Variants in SSBP1 observed in about 807,000 individuals in gnomAD.
SSBP1 encodes single stranded DNA binding protein 1, also known as single-stranded DNA-binding protein, mitochondrial.
A neutral mutation model predicts 27.0 loss-of-function variants in SSBP1; 20 were observed. The observed-to-expected ratio is 0.74, with a 90% CI of 0.52 to 1.08. The LOEUF (loss-of-function observed/expected upper bound fraction) is 1.08, where lower values mean the gene tolerates loss of function less well. Among genes scored for constraint, SSBP1 ranks in the 50% least tolerant of loss-of-function variants. The pLI, the probability that SSBP1 is intolerant of heterozygous loss-of-function variation, is 0.00. For missense variants in SSBP1, 137 were observed against 182.4 expected (o/e 0.75, Z 1.44); for synonymous variants, 59 against 59.3 (o/e 1.00, Z 0.02).
intron 6 of SSBP1, among the ~76,000 whole-genome samples, chr7:141,748,962 T>C (rs1799877999): frequency 1.3e-5 from 2 of 152,178 alleles, no homozygotes; most frequent in Non-Finnish European, 1.5e-5. Context: ...CATGAACAAA[T>C]ATTCAGTCCT....
In SSBP1 at chr7:141,740,711, A is replaced by G. The variant is rs575199676; in HGVS notation, c.25-1458A>G. Reference sequence around the variant, plus strand: ...CTTGGACAGTCGAGTCTTTGTGTTTAATCAAAGAACCAAATTTATTAGACC... The same window carrying G: ...CTTGGACAGTCGAGTCTTTGTGTTTGATCAAAGAACCAAATTTATTAGACC... On this transcript the variant is annotated intron_variant, in intron 2 of 6. Coordinates refer to ENST00000265304, the MANE Select transcript of SSBP1 (RefSeq NM_003143.3). 160 of 152,330 alleles carry G rather than the reference A, an allele frequency of 1.1e-3. 1 individual carries two copies. Among genetic ancestry groups the G allele is most frequent in the African/African-American group, 3.7e-3 (154 of 41,576 alleles). The allele number at this position is 152,330 out of a possible 1,614,324, so 9.4% of individuals were successfully genotyped here.
chr7:141,749,001 CTTTT>C (rs1799879102), intron 6 of SSBP1, among the ~76,000 whole-genome samples: 1 of 152,128 alleles, frequency 6.6e-6, no homozygotes, highest in African/African-American at 2.4e-5. Flanking sequence ...TTACAAGAAT[CTTTT>C]GGAATTATAA....
In SSBP1 at chr7:141,743,716, CTG is replaced by C. The variant is rs759890740; in HGVS notation, c.226+16_226+17del. The C allele has an allele frequency of 6.2e-6, 10 of 1,610,156 alleles. No homozygotes were observed. The highest frequency in any genetic ancestry group is 7.6e-6 in the Non-Finnish European group (9 of 1,178,204). On this transcript the variant is annotated intron_variant, in intron 4 of 6. Transcript: ENST00000265304. ...TTACCAACTGGGTGAGTACAAAAGACTGGGGTTTTAATTTTATCAGCAATAAA... is the reference window on the plus strand; with the variant it reads ...TTACCAACTGGGTGAGTACAAAAGACGGGTTTTAATTTTATCAGCAATAAA...
intron 6 of SSBP1, among the ~76,000 whole-genome samples, chr7:141,749,146 A>G (rs1338739398): frequency 6.6e-6 from 1 of 152,258 alleles, no homozygotes; most frequent in Non-Finnish European, 1.5e-5. Context: ...AAGTGAAACA[A>G]TACAGTGTAA....
In SSBP1 at chr7:141,739,179, C is replaced by A. The variant is rs148887629; in HGVS notation, c.13C>A (p.Pro5Thr). Residue 5 changes from proline to threonine, a missense_variant, in exon 2 of 7, where the codon CCT (proline) becomes ACT (threonine). By Grantham distance (38) the Pro-to-Thr change is conservative. Coordinates refer to ENST00000265304, the MANE Select transcript of SSBP1 (RefSeq NM_003143.3). MFRR[P>T]VLQVLRQFVR... ...GAAAATAGAAGCCATGTTTCGAAGACCTGTATTACAGGTAGTCACTTGTCT... is the reference window on the plus strand; with the variant it reads ...GAAAATAGAAGCCATGTTTCGAAGAACTGTATTACAGGTAGTCACTTGTCT... The A allele has an allele frequency of 6.2e-7, 1 of 1,601,542 alleles. No homozygotes were observed. Among genetic ancestry groups the A allele is most frequent in the African/African-American group, 1.3e-5 (1 of 74,376 alleles).
intron 4 of SSBP1, 88 bp downstream of exon 4, chr7:141,743,789 T>G (rs1799662503): frequency 6.5e-7 from 1 of 1,541,832 alleles, no homozygotes; most frequent in South Asian, 1.2e-5. Flanking sequence ...ATAAACCACT[T>G]TAAACAAGAT....
chr7:141,740,525 C>T (rs1039715450), intron 2 of SSBP1: 4 of 152,184 alleles, frequency 2.6e-5, no homozygotes, highest in Admixed American at 6.5e-5. Context: ...GTGATGCAGT[C>T]TCTCTGAGGT....
intron 4 of SSBP1, 81 bp from the exon 5 acceptor site, chr7:141,743,821 C>A (rs1799663266): frequency 6.5e-7 from 1 of 1,547,716 alleles, no homozygotes; most frequent in Non-Finnish European, 8.8e-7. Context: ...TCTGTTTGTT[C>A]TCTTAGAAAT....
intron 3 of SSBP1, 68 bp from the exon 4 acceptor site, chr7:141,743,493 T>C: frequency 6.4e-7 from 1 of 1,558,332 alleles, no homozygotes; most frequent in African/African-American, 1.4e-5. Context: ...ATACAAATTT[T>C]GGGGGAAGGG....
intron 4 of SSBP1, 94 bp from the exon 5 acceptor site, chr7:141,743,808 C>T (rs2117177770): frequency 6.5e-7 from 1 of 1,540,472 alleles, no homozygotes; most frequent in Non-Finnish European, 8.8e-7. Context: ...ATCTGTCTTT[C>T]ATTCTGTTTG....
chr7:141,739,002 C>T (rs561689734), intron 1 of SSBP1, 122 bp from the exon 2 acceptor site: 4 of 518,112 alleles, frequency 7.7e-6, no homozygotes, highest in Middle Eastern at 5.1e-4. Context: ...AATGTTGGTA[C>T]GTTGTGGTCA....
At chr7:141,740,699 G>A (rs1423992955) in intron 2 of SSBP1, 2 of 152,196 alleles carry the variant, frequency 1.3e-5, no homozygotes, top group Non-Finnish European at 2.9e-5. Context: ...GGACAGTCGA[G>A]TCTTTGTGTT....
rs917222952 is a variant in SSBP1, at chr7:141,741,869, C to A, written c.25-300C>A. On this transcript the variant is annotated intron_variant, in intron 2 of 6. Transcript: ENST00000265304. The stretch of plus-strand genomic sequence containing the variant: ...CTATTTTGATTTTTCCTTTTGTGTG[C>A]AAACACAGAAGTGCCATAATCAAGG... 7.7e-6 allele frequency: 7 copies of A among 914,618 alleles called. No individual in the cohort carries two copies. In the African/African-American group the frequency reaches 1.0e-4, roughly 13 times the overall value. The allele number at this position is 914,618 out of a possible 1,614,324, so 56.7% of individuals were successfully genotyped here. A position where few individuals can be genotyped will look rare whatever the true frequency, so the allele number is the denominator to read the frequency against.
intron 6 of SSBP1, chr7:141,745,910 C>T: frequency 3.8e-6 from 4 of 1,049,466 alleles, no homozygotes; most frequent in Non-Finnish European, 3.4e-6. Flanking sequence ...CTAGCCCTAA[C>T]CAGGAAGAAG....
chr7:141,747,260 TTTG>T (rs1799819745), intron 6 of SSBP1, among the ~76,000 whole-genome samples: 1 of 152,146 alleles, frequency 6.6e-6, no homozygotes. Context: ...ATTTTGTGCT[TTTG>T]TTTGCTTTTA....
intron 1 of SSBP1, 130 bp from the exon 2 acceptor site, chr7:141,738,994 T>C: frequency 2.0e-6 from 1 of 505,970 alleles, no homozygotes; most frequent in Admixed American, 3.8e-5. Context: ...TGTGCAGGAA[T>C]GTTGGTACGT....
At chr7:141,744,652 A>G (rs1799703345) in intron 5 of SSBP1, among the ~76,000 whole-genome samples, 1 of 152,242 alleles carries the variant, frequency 6.6e-6, no homozygotes, top group South Asian at 2.1e-4. Context: ...TTTAGCAATC[A>G]CTAAAATTTT....
At chr7:141,747,963 A>C (rs974983902) in intron 6 of SSBP1, among the ~76,000 whole-genome samples, 1 of 143,448 alleles carries the variant, frequency 7.0e-6, no homozygotes. Context: ...ACACCACTGC[A>C]CTCCAGCCTG....
At chr7:141,740,413 TAAG>T (rs960678761) in intron 2 of SSBP1, 2 of 152,174 alleles carry the variant, frequency 1.3e-5, no homozygotes, top group Non-Finnish European at 2.9e-5. Context: ...CTCTTGAAAT[TAAG>T]GAGGCAGCAG....
Sources: gnomAD v4.1 joint callset for allele counts (sites outside exome capture counted in the v4.1 genomes callset) on GRCh38, gnomAD v4.1.1 for gene constraint, MANE v1.5 for transcripts, NCBI Gene and HGNC (gene_info 2026-07-23, HGNC 2026-07-21) for gene names.